Variants in C3orf52 observed in about 807,000 individuals in gnomAD.
C3orf52 encodes TPA-induced transmembrane protein.
C3orf52 carries 22 observed loss-of-function variants against 24.8 expected under a neutral mutation model. The observed-to-expected ratio is 0.89, with a 90% CI of 0.63 to 1.27. The LOEUF (loss-of-function observed/expected upper bound fraction) is 1.27, where lower values mean the gene tolerates loss of function less well. Ranked by LOEUF, C3orf52 falls within the 50% of genes most tolerant of loss-of-function variation. The probability of loss-of-function intolerance (pLI) is 0.00; values close to 1 mark genes in which losing one functional copy is unlikely to be tolerated. For missense variants in C3orf52, 265 were observed against 260.7 expected, an observed-to-expected ratio of 1.02 and a Z score of -0.11; for synonymous variants, 93 against 100.2, an observed-to-expected ratio of 0.93 and a Z score of 0.43.
chr3:112,098,125 C>T (rs1248885221), intron 2 of C3orf52, among the ~76,000 whole-genome samples: 3 of 152,210 alleles, frequency 2.0e-5, no homozygotes, highest in Non-Finnish European at 4.4e-5. Context: ...TGGCACACTT[C>T]CAGAAAGAAA....
At position 112,127,921 on chromosome 3, in the gene C3orf52, C is replaced by T. The variant is rs541086212; in HGVS notation, c.*47-312C>T. 72 of 979,358 alleles carry T rather than the reference C, an allele frequency of 7.4e-5. No homozygotes were observed. The African/African-American group carries it at 9.5e-4, about 13-fold the overall frequency. 60.7% of individuals were successfully genotyped at this position (979,358 alleles called of 1,614,324 possible). On this transcript the variant is annotated intron_variant, in intron 4 of 4. Coordinates refer to the C3orf52 transcript ENST00000480282. Reference sequence around the variant, plus strand: ...TTGTATCTGGGCTACTGACAGGCTTCCACTGTGGCCACAGACAGTCACAGG... The same window carrying T: ...TTGTATCTGGGCTACTGACAGGCTTTCACTGTGGCCACAGACAGTCACAGG...
chr3:112,129,474 C>T (rs1164451046), downstream of C3orf52: 1 of 152,118 alleles, frequency 6.6e-6, no homozygotes, highest in Non-Finnish European at 1.5e-5. Context: ...GTTCAGATAG[C>T]CTCCAAGAAG....
At chr3:112,107,490 G>A (rs1162245331) in intron 3 of C3orf52, among the ~76,000 whole-genome samples, 5 of 152,172 alleles carry the variant, frequency 3.3e-5, no homozygotes, top group South Asian at 2.1e-4. Flanking sequence ...CATTTTCTCC[G>A]AAAGTTTTTG....
At chr3:112,088,842 A>C (rs543687291) in intron 1 of C3orf52, among the ~76,000 whole-genome samples, 5 of 152,312 alleles carry the variant, frequency 3.3e-5, no homozygotes, top group African/African-American at 1.2e-4. Context: ...ATCTGGAATG[A>C]TGGAGTTGCA....
intron 1 of C3orf52, among the ~76,000 whole-genome samples, chr3:112,090,727 A>G (rs868532948): frequency 4.5e-4 from 68 of 152,304 alleles, no homozygotes; most frequent in African/African-American, 1.5e-3. Flanking sequence ...GGGACAGCAT[A>G]AATAAAGGCA....
At chr3:112,123,061 C>G (rs1222669251), downstream of C3orf52, 2 of 224,514 alleles carry the variant, frequency 8.9e-6, no homozygotes, top group Non-Finnish European at 1.8e-5. Context: ...CTTGGGCACA[C>G]TTAGTATGAT....
At chr3:112,094,826 C>T (rs780916004) in intron 2 of C3orf52, among the ~76,000 whole-genome samples, 4 of 152,056 alleles carry the variant, frequency 2.6e-5, no homozygotes, top group African/African-American at 4.8e-5. Context: ...GAGAGGGGCT[C>T]GACTGAGGCT....
downstream of C3orf52, chr3:112,130,464 G>A: frequency 6.2e-7 from 1 of 1,613,888 alleles, no homozygotes; most frequent in Non-Finnish European, 8.5e-7. Flanking sequence ...CTCTGTTTGG[G>A]GCTTTGCATT....
intron 4 of C3orf52, among the ~76,000 whole-genome samples, chr3:112,110,923 C>A (rs562250306): frequency 6.6e-6 from 1 of 152,094 alleles, no homozygotes; most frequent in Non-Finnish European, 1.5e-5. Flanking sequence ...TTAAAGACCC[C>A]CAATGGGCTG....
downstream of C3orf52, chr3:112,133,101 C>T: frequency 6.2e-7 from 1 of 1,613,856 alleles, no homozygotes; most frequent in Non-Finnish European, 8.5e-7. Flanking sequence ...CCTGTTTTCT[C>T]TCAGCAGAGA....
At chr3:112,098,955 A>G (rs2073948806) in intron 2 of C3orf52, among the ~76,000 whole-genome samples, 4 of 152,118 alleles carry the variant, frequency 2.6e-5, no homozygotes, top group Non-Finnish European at 4.4e-5. Context: ...TTGAATGATA[A>G]GAGGGGCCTG....
intron 5 of C3orf52, among the ~76,000 whole-genome samples, chr3:112,115,665 C>T (rs2074127785): frequency 6.6e-6 from 1 of 152,074 alleles, no homozygotes; most frequent in African/African-American, 2.4e-5. Context: ...TCCCTGAGGC[C>T]AGCCTATGGT....
downstream of C3orf52, chr3:112,130,548 T>A: frequency 6.4e-7 from 1 of 1,570,374 alleles, no homozygotes. Flanking sequence ...GGCTAAGTAT[T>A]TCCTAAACAG....
At chr3:112,122,177 T>C (rs2074213524), downstream of C3orf52, 1 of 152,270 alleles carries the variant, frequency 6.6e-6, no homozygotes, top group Non-Finnish European at 1.5e-5. Flanking sequence ...AACACATTTC[T>C]GTTAAGTTTC....
chr3:112,093,835 C>CTTTTTCTT, intron 2 of C3orf52, among the ~76,000 whole-genome samples: 1 of 151,966 alleles, frequency 6.6e-6, no homozygotes, highest in Non-Finnish European at 1.5e-5. Flanking sequence ...GATTTGAATT[C>CTTTTTCTT]TTTTTCTTTT....
intron 2 of C3orf52, among the ~76,000 whole-genome samples, chr3:112,101,477 C>T (rs987138196): frequency 3.3e-5 from 5 of 152,154 alleles, no homozygotes; most frequent in Non-Finnish European, 7.3e-5. Context: ...TCCAGACTCC[C>T]AGAAGGAAAG....
rs1355172364 is a variant in C3orf52 at position 112,086,404 on chromosome 3, G to T, written c.-4G>T. 7.1e-6 allele frequency: 11 copies of T among 1,538,728 alleles called. No homozygotes were observed. Among genetic ancestry groups the T allele is most frequent in the Middle Eastern group, 1.7e-4 (1 of 5,896 alleles). On this transcript the variant is annotated 5_prime_UTR_variant, in exon 1 of 6. Transcript: ENST00000264848. ...GGAGCCGCTCAGACTTTCCCTGCCGGCACATGGACCTGGCCCAACCCTCAC... is the reference window on the plus strand; with the variant it reads ...GGAGCCGCTCAGACTTTCCCTGCCGTCACATGGACCTGGCCCAACCCTCAC...
At chr3:112,132,725 G>C, downstream of C3orf52, 1 of 949,400 alleles carries the variant, frequency 1.1e-6, no homozygotes. Flanking sequence ...GCTGAAAGAG[G>C]GTGGTGATTT....
In C3orf52 at chr3:112,123,585, G is replaced by A. The variant is rs761762386; in HGVS notation, c.*46+4023G>A. 2.5e-6 allele frequency: 4 copies of A among 1,613,964 alleles called. No individual in the cohort carries two copies. The African/African-American group carries it at 5.3e-5, about 22-fold the overall frequency. ...TGGGGATCGGGCATGCCTGGGGTCT[G>A]TAGAAGGCATATGTAGAAGTGAATA... On this transcript the variant is annotated intron_variant, in intron 4 of 4. Coordinates refer to the C3orf52 transcript ENST00000480282.
Sources: gnomAD v4.1 joint callset for allele counts (sites outside exome capture counted in the v4.1 genomes callset) on GRCh38, gnomAD v4.1.1 for gene constraint, MANE v1.5 for transcripts, NCBI Gene and HGNC (gene_info 2026-07-23, HGNC 2026-07-21) for gene names.